The following PPFIA2 variants were observed in gnomAD, a reference collection of about 807,000 sequenced individuals.
PPFIA2 encodes the protein PPFI scaffold protein A2.
PPFIA2 carries 46 observed loss-of-function variants against 175.5 expected under a neutral mutation model. The observed-to-expected ratio is 0.26, with a 90% CI of 0.21 to 0.34. The LOEUF (loss-of-function observed/expected upper bound fraction) is 0.34. Among genes scored for constraint, PPFIA2 ranks in the 10% least tolerant of loss-of-function variants. The probability of loss-of-function intolerance (pLI) is 1.00; values close to 1 mark genes in which losing one functional copy is unlikely to be tolerated. For synonymous variants in PPFIA2, 568 were observed against 511.4 expected, an observed-to-expected ratio of 1.11 and a Z score of -1.49; for missense variants, 1,179 against 1,506.1, an observed-to-expected ratio of 0.78 and a Z score of 3.60.
At chr12:81,358,323 A>C (rs1032311906) in intron 15 of PPFIA2, 106 bp from the exon 16 acceptor site, 3 of 1,090,084 alleles carry the variant, frequency 2.8e-6, no homozygotes, top group Non-Finnish European at 3.9e-6. Context: ...CCTCAAGGAA[A>C]TAAACCTCAA....
At chr12:81,279,165 GGT>G (rs1177262737) in intron 27 of PPFIA2, 1 of 152,070 alleles carries the variant, frequency 6.6e-6, no homozygotes, top group African/African-American at 2.4e-5. Context: ...TTGGACACTT[GGT>G]GACAACAGGT....
At chr12:81,363,611 T>C in intron 14 of PPFIA2, among the ~76,000 whole-genome samples, 1 of 151,774 alleles carries the variant, frequency 6.6e-6, no homozygotes, top group African/African-American at 2.4e-5. Context: ...GTGCTTGATA[T>C]TTTACTTTAC....
chr12:81,538,766 A>C (rs756194873), intron 4 of PPFIA2, among the ~76,000 whole-genome samples: 8 of 151,834 alleles, frequency 5.3e-5, no homozygotes, highest in Admixed American at 2.0e-4. Context: ...ACATAGTATG[A>C]GGTGAAGTCA....
intron 3 of PPFIA2, among the ~76,000 whole-genome samples, chr12:81,704,863 C>T (rs2076920072): frequency 6.6e-6 from 1 of 151,470 alleles, no homozygotes; most frequent in Non-Finnish European, 1.5e-5. Context: ...GCAGGTGGAT[C>T]ACCTGAGGTC....
Position 81,624,345 on chromosome 12 carries a change from G to C in PPFIA2, c.303+52446C>G, listed in dbSNP as rs144361141. ...ACCAGTCCAATCCTATAATCTGTAT[G>C]TTACTCTAGCATTAACCAGTCCCAG... On this transcript the variant is annotated intron_variant, in intron 4 of 32. Coordinates refer to ENST00000549396, the MANE Select transcript of PPFIA2 (RefSeq NM_003625.5). 2.7e-4 allele frequency among the ~76,000 whole-genome samples: 41 copies of C among 149,818 alleles called. No homozygotes were observed. The East Asian group carries it at 8.0e-3, about 29-fold the overall frequency.
At position 81,647,874 on chromosome 12, in the gene PPFIA2, AT is replaced by A. The variant is rs1309097724; in HGVS notation, c.303+28916del. Among the ~76,000 whole-genome samples, 229 of 142,692 alleles carry A rather than the reference AT, an allele frequency of 1.6e-3. 1 individual carries two copies. Among genetic ancestry groups the A allele is most frequent in the African/African-American group, 5.5e-3 (216 of 39,032 alleles). The allele number at this position is 142,692 out of a possible 152,430, so 93.6% of individuals were successfully genotyped here. On this transcript the variant is annotated intron_variant, in intron 4 of 32. Transcript: ENST00000549396. ...ATATAACATATATAATATAATATAT[AT>A]TATATATATATAAAATCTTGAAGAC...
Position 81,418,043 on chromosome 12 carries a change from ATG to A in PPFIA2, c.646-12142_646-12141del, listed in dbSNP as rs533367149. 3.9e-5 allele frequency among the ~76,000 whole-genome samples: 6 copies of A among 152,004 alleles called. No individual in the cohort carries two copies. The South Asian group carries it at 1.2e-3, about 31-fold the overall frequency. ...CCAACCACAGTTTTACGTTGTTTGA[ATG>A]TATTAATTAATTTAAAACTCACAAC... On this transcript the variant is annotated intron_variant, in intron 7 of 32. Transcript: ENST00000549396.
chr12:81,631,509 G>A (rs1043479084), intron 4 of PPFIA2, among the ~76,000 whole-genome samples: 1 of 152,004 alleles, frequency 6.6e-6, no homozygotes, highest in Admixed American at 6.6e-5. Context: ...CAATTTAAAA[G>A]GTTGTATAAA....
At chr12:81,366,294 G>T (rs552021050) in intron 14 of PPFIA2, among the ~76,000 whole-genome samples, 8 of 151,460 alleles carry the variant, frequency 5.3e-5, no homozygotes, top group Non-Finnish European at 1.0e-4. Context: ...TTCACAATCT[G>T]CCCTTAGTTT....
intron 4 of PPFIA2, among the ~76,000 whole-genome samples, chr12:81,620,650 T>C (rs116298375): frequency 1.8e-3 from 272 of 152,332 alleles, no homozygotes; most frequent in African/African-American, 6.3e-3. Flanking sequence ...AAATCTGCCT[T>C]AGTGACACAT....
rs572595601 is a variant in PPFIA2, at chr12:81,597,382, T to G, written c.303+79409A>C. On this transcript the variant is annotated intron_variant, in intron 4 of 32. Coordinates refer to ENST00000549396, the MANE Select transcript of PPFIA2 (RefSeq NM_003625.5). ...TGACTTTTCGATAACACAGAAAATC[T>G]TCCATCTTAATGAGTTTCTACTCTA... Among the ~76,000 whole-genome samples, 42 of 152,194 alleles carry G rather than the reference T, an allele frequency of 2.8e-4. No homozygotes were observed. The South Asian group carries it at 8.3e-3, about 30-fold the overall frequency.
At chr12:81,587,493 T>C (rs1484782473) in intron 4 of PPFIA2, among the ~76,000 whole-genome samples, 2 of 152,060 alleles carry the variant, frequency 1.3e-5, no homozygotes, top group Non-Finnish European at 2.9e-5. Context: ...GTATTCTTTA[T>C]ACCAGTGTGA....
chr12:81,328,611 A>G (rs1278118931), intron 21 of PPFIA2, among the ~76,000 whole-genome samples: 1 of 152,170 alleles, frequency 6.6e-6, no homozygotes, highest in Non-Finnish European at 1.5e-5. Context: ...TATTGTATCA[A>G]TGTTGGCCAG....
At chr12:81,295,315 T>C (rs970248653) in intron 23 of PPFIA2, among the ~76,000 whole-genome samples, 2 of 152,226 alleles carry the variant, frequency 1.3e-5, no homozygotes, top group Admixed American at 6.5e-5. Context: ...GTAAAAGTAA[T>C]GGCTGCATGG....
chr12:81,284,409 A>G, intron 24 of PPFIA2, 106 bp from the exon 25 acceptor site: 1 of 803,154 alleles, frequency 1.2e-6, no homozygotes, highest in Non-Finnish European at 2.1e-6. Context: ...GCAATACCAC[A>G]GTGCCCTTGC....
intron 4 of PPFIA2, among the ~76,000 whole-genome samples, chr12:81,618,494 C>A (rs2061644414): frequency 6.8e-6 from 1 of 147,954 alleles, no homozygotes; most frequent in Admixed American, 6.7e-5. Context: ...AAAGAACTTT[C>A]ATTTTAAAAC....
At position 81,662,257 on chromosome 12, in the gene PPFIA2, C is replaced by T. The variant is rs374118018; in HGVS notation, c.303+14534G>A. 5.3e-5 allele frequency among the ~76,000 whole-genome samples: 8 copies of T among 152,142 alleles called. No individual in the cohort carries two copies. In the East Asian group the frequency reaches 1.4e-3, roughly 26 times the overall value. ...AAACCCTTCAAAAAATCAATGAATCCAGGAGCTGGTTTTTGGAAGAGATCA... is the reference window on the plus strand; with the variant it reads ...AAACCCTTCAAAAAATCAATGAATCTAGGAGCTGGTTTTTGGAAGAGATCA... On this transcript the variant is annotated intron_variant, in intron 4 of 32. Coordinates refer to ENST00000549396, the MANE Select transcript of PPFIA2 (RefSeq NM_003625.5).
intron 4 of PPFIA2, among the ~76,000 whole-genome samples, chr12:81,600,833 ATG>A (rs1250542356): frequency 6.6e-6 from 1 of 151,998 alleles, no homozygotes; most frequent in Non-Finnish European, 1.5e-5. Context: ...AGAAAAAAGA[ATG>A]TTTGTCAAAT....
intron 4 of PPFIA2, among the ~76,000 whole-genome samples, chr12:81,536,762 A>ATATC (rs1436082287): frequency 2.1e-5 from 3 of 146,332 alleles, no homozygotes; most frequent in African/African-American, 4.9e-5. Context: ...ATATATATAT[A>ATATC]TATATAGTTT....
Sources: allele counts gnomAD v4.1 joint callset (sites outside exome capture counted in the v4.1 genomes callset), GRCh38; gene constraint gnomAD v4.1.1; transcripts MANE v1.5; gene names NCBI Gene and HGNC (gene_info 2026-07-23, HGNC 2026-07-21).